ARL17A: variants seen among roughly 807,000 people sequenced by gnomAD.
ARL17A encodes ADP-ribosylation factor-like 17-like.
At chr17:46,533,863 C>A (rs1598401796) in intron 4 of ARL17A, among the ~76,000 whole-genome samples, 1 of 99,174 alleles carries the variant, frequency 1.0e-5, no homozygotes. Context: ...GGTCTTCTAG[C>A]AACAAAGTCT....
intron 4 of ARL17A, among the ~76,000 whole-genome samples, chr17:46,534,904 C>T (rs1203809552): frequency 6.0e-5 from 9 of 149,394 alleles, no homozygotes; most frequent in South Asian, 2.1e-4. Flanking sequence ...GGCTGCTGGG[C>T]GGAGGGGCTC....
intron 4 of ARL17A, chr17:46,537,435 G>A (rs1303983330): frequency 0.012 from 3 of 244 alleles, no homozygotes; most frequent in African/African-American, 0.083. Flanking sequence ...CCAAAGTGCT[G>A]GGATTACAGG....
the ARL17A span, among the ~76,000 whole-genome samples, chr17:46,501,782 G>A: frequency 6.6e-6 from 1 of 151,180 alleles, no homozygotes; most frequent in South Asian, 2.1e-4. Flanking sequence ...TACTTGATCT[G>A]ACTGCTTCCT....
At chr17:46,535,105 GCTGGTATCCAACTC>G (rs1208349544) in intron 4 of ARL17A, among the ~76,000 whole-genome samples, 1 of 148,344 alleles carries the variant, frequency 6.7e-6, no homozygotes, top group Non-Finnish European at 1.5e-5. Flanking sequence ...TATTGCCAGT[GCTGGTATCCAACTC>G]CTGGCTTCAA....
chr17:46,572,945 G>C (rs2057686844), intron 2 of ARL17A, among the ~76,000 whole-genome samples: 1 of 109,958 alleles, frequency 9.1e-6, no homozygotes, highest in African/African-American at 3.6e-5. Flanking sequence ...GGGAGGGGAG[G>C]GGAGGGGAGG....
the ARL17A span, among the ~76,000 whole-genome samples, chr17:46,501,075 A>G: frequency 2.6e-5 from 4 of 151,428 alleles, no homozygotes; most frequent in South Asian, 6.2e-4. Flanking sequence ...ATTTTTTTAG[A>G]GACAGAATAT....
intron 3 of ARL17A, among the ~76,000 whole-genome samples, chr17:46,545,016 C>A (rs1273547020): frequency 7.2e-6 from 1 of 139,626 alleles, no homozygotes. Flanking sequence ...TGATGAAATT[C>A]AAGTTAAGCA....
chr17:46,502,398 C>A, the ARL17A span, among the ~76,000 whole-genome samples: 1 of 151,126 alleles, frequency 6.6e-6, no homozygotes, highest in Non-Finnish European at 1.5e-5. Flanking sequence ...GCAATCTCTG[C>A]CTCCCAGATT....
chr17:46,501,986 G>A, the ARL17A span, among the ~76,000 whole-genome samples: 2 of 151,384 alleles, frequency 1.3e-5, no homozygotes, highest in Non-Finnish European at 2.9e-5. Flanking sequence ...ACTTTTGGAC[G>A]ATGATGTGTT....
intron 4 of ARL17A, among the ~76,000 whole-genome samples, chr17:46,534,120 GC>G (rs1413117132): frequency 6.9e-6 from 1 of 144,434 alleles, no homozygotes; most frequent in Non-Finnish European, 1.5e-5. Context: ...CTTAAGCAAT[GC>G]TGTCACCTCA....
intron 3 of ARL17A, among the ~76,000 whole-genome samples, chr17:46,542,397 G>T (rs1157197747): frequency 1.3e-5 from 2 of 148,150 alleles, no homozygotes; most frequent in African/African-American, 2.6e-5. Context: ...TAGAAATGAG[G>T]TCTCAGTATG....
At chr17:46,532,139 T>C (rs1476055538) in intron 4 of ARL17A, among the ~76,000 whole-genome samples, 1 of 149,620 alleles carries the variant, frequency 6.7e-6, no homozygotes, top group Admixed American at 6.6e-5. Flanking sequence ...CCTCAGATGA[T>C]CCACCTGCTT....
chr17:46,548,935 C>CCACA (rs1315612882), downstream of ARL17A: 1 of 1,612,432 alleles, frequency 6.2e-7, no homozygotes, highest in African/African-American at 1.4e-5. Context: ...AAAAGCCCTA[C>CCACA]CACAGGTGAG....
chr17:46,549,115 A>C (rs1437095936), downstream of ARL17A: 1 of 1,611,618 alleles, frequency 6.2e-7, no homozygotes, highest in African/African-American at 1.4e-5. Flanking sequence ...AAAGAGTCCA[A>C]AGGTCAGAAA....
chr17:46,556,211 C>T lies in ARL17A; in HGVS notation c.*1145G>A, dbSNP rs1461122402. 2 of 146,202 alleles carry T rather than the reference C, an allele frequency of 1.4e-5. No homozygotes were observed. The highest frequency in any genetic ancestry group is 2.6e-5 in the Non-Finnish European group (2 of 76,688). 9.1% of individuals were successfully genotyped at this position (146,202 alleles called of 1,614,324 possible). On this transcript the variant is annotated 3_prime_UTR_variant, in exon 4 of 4. Coordinates refer to ENST00000336125, the MANE Select transcript of ARL17A (RefSeq NM_001113738.2). ...GGCCAAGCATCACCTATGCATCTGA[C>T]CAACTGGCTGTAAATTGGAGGTCCC... is the stretch of plus-strand genomic sequence containing the variant.
downstream of ARL17A, chr17:46,550,338 G>A: frequency 2.5e-6 from 1 of 398,836 alleles, no homozygotes; most frequent in African/African-American, 3.4e-5. Flanking sequence ...GAACCTGTCA[G>A]CTACTCACCT....
chr17:46,542,568 G>A (rs1218468528), intron 3 of ARL17A, among the ~76,000 whole-genome samples: 2 of 149,324 alleles, frequency 1.3e-5, no homozygotes, highest in South Asian at 2.1e-4. Context: ...GGTGGCACAC[G>A]CCTGTAGTCC....
intron 3 of ARL17A, among the ~76,000 whole-genome samples, chr17:46,542,903 T>G (rs1465145084): frequency 6.7e-6 from 1 of 149,992 alleles, no homozygotes; most frequent in Non-Finnish European, 1.5e-5. Context: ...CATTTAGCAC[T>G]CTGCTCCGTT....
At position 46,539,661 on chromosome 17, in the gene ARL17A, G is replaced by C. The variant is rs1217850947; in HGVS notation, c.260-1235C>G. ...GCCTGTAATCCCAGCTACTCGGAAG[G>C]CTGAGGCAGAACAGGAGAATCACTT... is the stretch of plus-strand genomic sequence containing the variant. On this transcript the variant is annotated intron_variant, in intron 3 of 4. Coordinates refer to the ARL17A transcript ENST00000329240. Among the ~76,000 whole-genome samples, 6 of 127,732 alleles carry C rather than the reference G, an allele frequency of 4.7e-5. No individual in the cohort carries two copies. The Admixed American group carries it at 5.2e-4, about 11-fold the overall frequency. 83.8% of individuals were successfully genotyped at this position (127,732 alleles called of 152,430 possible). A position where few individuals can be genotyped will look rare whatever the true frequency, so the allele number is the denominator to read the frequency against.
Sources: allele counts gnomAD v4.1 joint callset (sites outside exome capture counted in the v4.1 genomes callset), GRCh38; gene constraint gnomAD v4.1.1; transcripts MANE v1.5; gene names NCBI Gene and HGNC (gene_info 2026-07-23, HGNC 2026-07-21).